The following CIT variants were observed in gnomAD, a reference collection of about 807,000 sequenced individuals.
CIT encodes the protein citron rho-interacting serine/threonine kinase.
In CIT, 79 loss-of-function variants were observed where a neutral mutation model predicts 272.7. The observed-to-expected ratio is 0.29, with a 90% CI of 0.24 to 0.35. The LOEUF (loss-of-function observed/expected upper bound fraction) is 0.35, where lower values mean the gene tolerates loss of function less well. Ranked by LOEUF, CIT falls within the 10% of genes least tolerant of loss-of-function variation. The pLI, the probability that CIT is intolerant of heterozygous loss-of-function variation, is 1.00. For synonymous variants in CIT, 948 were observed against 995.6 expected, an observed-to-expected ratio of 0.95 and a Z score of 0.90; for missense variants, 1,909 against 2,618.3, an observed-to-expected ratio of 0.73 and a Z score of 5.91.
rs1444823026 is a variant in CIT at position 119,776,717 on chromosome 12, T to C, written c.1791A>G (p.Glu597=). ...SELRESRLAA[E]EFKRKATECQ... Reference sequence around the variant, plus strand: ...ATTCTGTCGCTTTCCGCTTGAATTCTTCAGCAGCAAGCCGAGACTCTCTCA... The same window carrying C: ...ATTCTGTCGCTTTCCGCTTGAATTCCTCAGCAGCAAGCCGAGACTCTCTCA... The change falls in exon 14 of 48, where the codon GAA becomes GAG. Residue 597 remains glutamate, a synonymous_variant. Transcript: ENST00000392521. 6.2e-7 allele frequency: 1 copy of C among 1,613,968 alleles called. No homozygotes were observed. The highest frequency in any genetic ancestry group is 1.3e-5 in the African/African-American group (1 of 74,926).
chr12:119,859,005 T>C (rs1950253791), intron 3 of CIT, among the ~76,000 whole-genome samples: 1 of 152,174 alleles, frequency 6.6e-6, no homozygotes, highest in South Asian at 2.1e-4. Flanking sequence ...CCTCAACGTA[T>C]GAAGTATGGA....
At chr12:119,689,730 T>A (rs1429668409) in intron 47 of CIT, among the ~76,000 whole-genome samples, 1 of 131,866 alleles carries the variant, frequency 7.6e-6, no homozygotes, top group Admixed American at 9.6e-5. Flanking sequence ...CAGGCTGGAG[T>A]GCAGTGGCGC....
Position 119,784,899 on chromosome 12 carries a change from T to C in CIT, c.1401+61A>G. 6.3e-7 allele frequency: 1 copy of C among 1,595,876 alleles called. No individual in the cohort carries two copies. Among genetic ancestry groups the C allele is most frequent in the Non-Finnish European group, 8.5e-7 (1 of 1,170,704 alleles). ...CAGCAGCGGCCCCGGGCGGATCCCT[T>C]GGCATATACGGACGGGAGGATCCTG... is the stretch of plus-strand genomic sequence containing the variant. On this transcript the variant is annotated intron_variant, in intron 11 of 47. Coordinates refer to ENST00000392521, the MANE Select transcript of CIT (RefSeq NM_001206999.2). The surrounding 1 kb of genome is among the most constrained non-coding windows in gnomAD (Gnocchi z 4.7).
At chr12:119,772,619 A>G in intron 17 of CIT, 151 bp downstream of exon 17, 1 of 793,274 alleles carries the variant, frequency 1.3e-6, no homozygotes, top group South Asian at 3.2e-5. Context: ...CTGGGGGGAA[A>G]TGATTCCCAG....
intron 10 of CIT, among the ~76,000 whole-genome samples, chr12:119,791,867 G>A (rs367867): frequency 0.032 from 4,857 of 152,262 alleles, 258 homozygotes; most frequent in African/African-American, 0.11. Flanking sequence ...GAAAGAGCAG[G>A]CATGGTCATT....
intron 9 of CIT, among the ~76,000 whole-genome samples, chr12:119,818,059 T>C (rs1373916156): frequency 1.3e-5 from 2 of 152,204 alleles, no homozygotes; most frequent in East Asian, 3.8e-4. Flanking sequence ...AAGGCATATA[T>C]AGTATTGTAG....
chr12:119,710,931 G>T lies in CIT; in HGVS notation c.4855-311C>A. The T allele has an allele frequency of 2.5e-6, 2 of 810,318 alleles. No individual in the cohort carries two copies. Among genetic ancestry groups the T allele is most frequent in the Non-Finnish European group, 3.7e-6 (2 of 535,146 alleles). The allele number at this position is 810,318 out of a possible 1,614,324, so 50.2% of individuals were successfully genotyped here. A position where few individuals can be genotyped will look rare whatever the true frequency, so the allele number is the denominator to read the frequency against. ...ATAAGAAATAAGCTGAAGCTAAGGA[G>T]ATTTCACCTGCGCAGGGTTAATAAG... On this transcript the variant is annotated intron_variant, in intron 37 of 47. Coordinates refer to ENST00000392521, the MANE Select transcript of CIT (RefSeq NM_001206999.2). The surrounding 1 kb of genome is among the most constrained non-coding windows in gnomAD (Gnocchi z 5.6).
At chr12:119,771,713 C>T (rs148099987) in intron 17 of CIT, among the ~76,000 whole-genome samples, 101 of 152,068 alleles carry the variant, frequency 6.6e-4, no homozygotes, top group African/African-American at 2.4e-3. Flanking sequence ...GGCAGATGGC[C>T]AAGAAATTAT....
At chr12:119,852,277 A>T (rs1970269002) in intron 4 of CIT, among the ~76,000 whole-genome samples, 1 of 152,210 alleles carries the variant, frequency 6.6e-6, no homozygotes, top group African/African-American at 2.4e-5. Context: ...AATTTTACAA[A>T]ATAACTGGCC....
At chr12:119,861,111 ACT>A (rs1439791336) in intron 3 of CIT, among the ~76,000 whole-genome samples, 26 of 149,616 alleles carry the variant, frequency 1.7e-4, no homozygotes, top group African/African-American at 5.9e-4. Context: ...ATACAGCGAG[ACT>A]CTGTCTCAGG....
intron 23 of CIT, among the ~76,000 whole-genome samples, chr12:119,748,164 C>CA (rs1043171010): frequency 2.2e-4 from 33 of 150,596 alleles, no homozygotes; most frequent in African/African-American, 6.8e-4. Context: ...GACCCTGTCT[C>CA]AAAAAAAAGG....
intron 5 of CIT, among the ~76,000 whole-genome samples, chr12:119,849,654 T>A (rs1206038125): frequency 6.6e-6 from 1 of 151,434 alleles, no homozygotes; most frequent in African/African-American, 2.4e-5. Context: ...ACAGCTACAA[T>A]ATCCAACTGT....
chr12:119,794,342 G>T (rs1382240039), intron 10 of CIT, among the ~76,000 whole-genome samples: 1 of 152,234 alleles, frequency 6.6e-6, no homozygotes, highest in Non-Finnish European at 1.5e-5. Context: ...CCCCCAGGCA[G>T]CCAGTTTAAA....
intron 9 of CIT, among the ~76,000 whole-genome samples, chr12:119,812,715 T>C (rs1566079254): frequency 6.6e-6 from 1 of 151,768 alleles, no homozygotes; most frequent in Non-Finnish European, 1.5e-5. Flanking sequence ...TCTCAAAACT[T>C]TTCTCCAACA....
At chr12:119,863,281 T>C (rs570833748) in intron 3 of CIT, among the ~76,000 whole-genome samples, 2 of 149,746 alleles carry the variant, frequency 1.3e-5, no homozygotes, top group South Asian at 4.2e-4. Flanking sequence ...AAATACCACA[T>C]GTTCTCACAT....
chr12:119,773,808 T>G (rs1439128305), intron 16 of CIT, among the ~76,000 whole-genome samples: 2 of 152,186 alleles, frequency 1.3e-5, no homozygotes, highest in African/African-American at 4.8e-5. Context: ...CCTCACACTT[T>G]GATTGGAGAG....
chr12:119,744,029 A>G (rs766791082), intron 23 of CIT, among the ~76,000 whole-genome samples: 16 of 152,238 alleles, frequency 1.1e-4, no homozygotes, highest in Non-Finnish European at 1.3e-4. Context: ...TTTTAAGATC[A>G]CGGTAGATGT....
chr12:119,858,820 T>TGA (rs1566136683), intron 3 of CIT, among the ~76,000 whole-genome samples: 1 of 146,306 alleles, frequency 6.8e-6, no homozygotes, highest in African/African-American at 2.6e-5. Context: ...AGACTCCATC[T>TGA]CAAAAAAAAA....
At position 119,804,127 on chromosome 12, in the gene CIT, G is replaced by A. The variant is rs151313205; in HGVS notation, c.1112-738C>T. 6.1e-6 allele frequency: 6 copies of A among 979,688 alleles called. No homozygotes were observed. The East Asian group carries it at 3.4e-4, about 56-fold the overall frequency. 60.7% of individuals were successfully genotyped at this position (979,688 alleles called of 1,614,324 possible). On this transcript the variant is annotated intron_variant, in intron 9 of 47. Coordinates refer to ENST00000392521, the MANE Select transcript of CIT (RefSeq NM_001206999.2). The surrounding 1 kb of genome is among the most constrained non-coding windows in gnomAD (Gnocchi z 5.3). ...ATCTACAGCACCCCTGCGCGCTGAC[G>A]GTGGGAATGCACGGATGGACATATG... is the stretch of plus-strand genomic sequence containing the variant.
Sources: gnomAD v4.1 joint callset for allele counts (sites outside exome capture counted in the v4.1 genomes callset) on GRCh38, gnomAD v4.1.1 for gene constraint, Gnocchi (gnomAD v3.1) non-coding constraint, MANE v1.5 for transcripts, NCBI Gene and HGNC (gene_info 2026-07-23, HGNC 2026-07-21) for gene names.